Variants in DHX37 observed in about 807,000 individuals in gnomAD.
DHX37 encodes the protein DEAH-box helicase 37.
A neutral mutation model predicts 134.3 loss-of-function variants in DHX37; 52 were observed. That is an observed-to-expected ratio of 0.39 (90% confidence interval 0.31 to 0.49). The LOEUF (loss-of-function observed/expected upper bound fraction) is 0.49, where lower values mean the gene tolerates loss of function less well. Among genes scored for constraint, DHX37 ranks in the 20% least tolerant of loss-of-function variants. DHX37 has a pLI of 0.93. For synonymous variants in DHX37, 634 were observed against 670.7 expected (o/e 0.95, Z 0.85); for missense variants, 1,344 against 1,580.8 (o/e 0.85, Z 2.54).
intron 2 of DHX37, among the ~76,000 whole-genome samples, chr12:124,985,872 C>T (rs113237855): frequency 0.03 from 4,596 of 151,642 alleles, 108 homozygotes; most frequent in Non-Finnish European, 0.05. Context: ...GTTTGACATT[C>T]TCCGGAACAG....
Position 124,954,634 on chromosome 12 carries a change from G to A in DHX37, c.2454-423C>T, listed in dbSNP as rs1053563628. Among the ~76,000 whole-genome samples the A allele has an allele frequency of 3.3e-5, 5 of 152,174 alleles. No individual in the cohort carries two copies. The East Asian group carries it at 5.8e-4, about 18-fold the overall frequency. Reference sequence around the variant, plus strand: ...AGAATGGTCTCGATCTCCTGACTTCGTGATCCGCCCGTCTCGGCCTCCCAA... The same window carrying A: ...AGAATGGTCTCGATCTCCTGACTTCATGATCCGCCCGTCTCGGCCTCCCAA... On this transcript the variant is annotated intron_variant, in intron 18 of 26. Coordinates refer to ENST00000308736, the MANE Select transcript of DHX37 (RefSeq NM_032656.4).
At chr12:124,961,233 C>CTT (rs1954245276) in intron 15 of DHX37, among the ~76,000 whole-genome samples, 4 of 141,380 alleles carry the variant, frequency 2.8e-5, no homozygotes, top group African/African-American at 1.1e-4. Flanking sequence ...CGCACGCACA[C>CTT]ACACATACAC....
intron 20 of DHX37, 152 bp from the exon 21 acceptor site, chr12:124,952,722 A>C: frequency 1.5e-6 from 1 of 686,034 alleles, no homozygotes; most frequent in Admixed American, 3.9e-5. Context: ...CAGGACCCAA[A>C]GCCCCCAGCA....
intron 8 of DHX37, among the ~76,000 whole-genome samples, chr12:124,969,588 C>A (rs570523119): frequency 2.9e-4 from 44 of 152,030 alleles, no homozygotes; most frequent in African/African-American, 1.0e-3. Flanking sequence ...CCACTCTAGA[C>A]TTCCTGATGG....
rs576732769 is a variant in DHX37 at position 124,956,254 on chromosome 12, G to A, written c.2453+437C>T. Among the ~76,000 whole-genome samples the A allele has an allele frequency of 3.3e-5, 5 of 152,316 alleles. No individual in the cohort carries two copies. The East Asian group carries it at 5.8e-4, about 18-fold the overall frequency. ...CGGTTTCAGGAGGAATGATGTGAAC[G>A]CTGAAGACTTACCAAGCCCTTGAGA... On this transcript the variant is annotated intron_variant, in intron 18 of 26. Coordinates refer to ENST00000308736, the MANE Select transcript of DHX37 (RefSeq NM_032656.4).
intron 8 of DHX37, among the ~76,000 whole-genome samples, chr12:124,969,332 G>A (rs1954469940): frequency 6.6e-6 from 1 of 152,142 alleles, no homozygotes; most frequent in South Asian, 2.1e-4. Context: ...GGGTGGGAGA[G>A]AGCTCCCGGG....
At position 124,950,454 on chromosome 12, in the gene DHX37, G is replaced by C; in HGVS notation, c.3080C>G (p.Pro1027Arg). The C allele has an allele frequency of 6.3e-7, 1 of 1,590,982 alleles. No homozygotes were observed. The highest frequency in any genetic ancestry group is 8.6e-7 in the Non-Finnish European group (1 of 1,168,024). Reference sequence around the variant, plus strand: ...GTGACACAGCACCCGCCCCCGCTCGGGGCAGTATGTAGGGGCTGGTTCCTC... The same window carrying C: ...GTGACACAGCACCCGCCCCCGCTCGCGGCAGTATGTAGGGGCTGGTTCCTC... ...PLEEPAPTYC[P>R]ERGRVLCHRA... Residue 1027 changes from proline to arginine, a missense_variant, in exon 23 of 27, where the codon CCC (proline) becomes CGC (arginine). Pro to Arg is a moderately radical substitution (Grantham distance 103). This residue lies in a region of DHX37 where 558 missense variants were observed against 650.0 expected (regional missense o/e 0.86). Transcript: ENST00000308736.
At chr12:124,969,054 G>A in intron 8 of DHX37, 86 bp from the exon 9 acceptor site, 3 of 1,316,266 alleles carry the variant, frequency 2.3e-6, no homozygotes, top group Admixed American at 2.0e-5. Context: ...GTGCCCTGCT[G>A]CCCACCCCGT....
rs560836942 is a variant in DHX37, at chr12:124,948,377, G to A, written c.3291-196C>T. ...AAGTAGGAGGATCCCTTGAGCCTGG[G>A]AGTTGGAGGCTGCAGTGAACCATGA... is the stretch of plus-strand genomic sequence containing the variant. On this transcript the variant is annotated intron_variant, in intron 25 of 26. Coordinates refer to ENST00000308736, the MANE Select transcript of DHX37 (RefSeq NM_032656.4). 50 of 981,010 alleles carry A rather than the reference G, an allele frequency of 5.1e-5. 1 individual carries two copies. The South Asian group carries it at 8.2e-4, about 16-fold the overall frequency. The allele number at this position is 981,010 out of a possible 1,614,324, so 60.8% of individuals were successfully genotyped here.
At chr12:124,950,312 A>C in intron 23 of DHX37, 69 bp from the exon 24 acceptor site, 1 of 1,605,268 alleles carries the variant, frequency 6.2e-7, no homozygotes, top group East Asian at 2.3e-5. Context: ...TCCCTGCCCC[A>C]CCCGAGACAC....
At chr12:124,976,426 C>T (rs1381519826) in intron 5 of DHX37, among the ~76,000 whole-genome samples, 5 of 152,180 alleles carry the variant, frequency 3.3e-5, no homozygotes, top group African/African-American at 1.2e-4. Flanking sequence ...AAATGGTAAG[C>T]GCAGGCTGGG....
intron 1 of DHX37, among the ~76,000 whole-genome samples, chr12:124,986,936 G>A (rs1337337872): frequency 5.3e-5 from 8 of 151,870 alleles, no homozygotes; most frequent in African/African-American, 1.7e-4. Context: ...TAGTAGAGAC[G>A]GGGTTTTACC....
chr12:124,969,339 C>T (rs1040530355), intron 8 of DHX37, among the ~76,000 whole-genome samples: 8 of 152,108 alleles, frequency 5.3e-5, no homozygotes, highest in East Asian at 1.9e-4. Context: ...AGAGAGCTCC[C>T]GGGAGCTCCC....
chr12:124,959,934 G>A (rs1403015061), intron 16 of DHX37, among the ~76,000 whole-genome samples: 2 of 152,320 alleles, frequency 1.3e-5, no homozygotes, highest in East Asian at 3.9e-4. Flanking sequence ...GGCTTAGCCT[G>A]CCCTGGAGCA....
rs777372293 is a variant in DHX37 at position 124,947,924 on chromosome 12, C to T, written c.3389-37G>A. 5.0e-6 allele frequency: 8 copies of T among 1,610,702 alleles called. No homozygotes were observed. In the South Asian group the frequency reaches 7.7e-5, roughly 16 times the overall value. On this transcript the variant is annotated intron_variant, in intron 26 of 26. Transcript: ENST00000308736. ...GGAAGGAGGACAGTGTCAGGGTGACCCTGGGCCCAGGGACTCTCCTCAGGT... is the reference window on the plus strand; with the variant it reads ...GGAAGGAGGACAGTGTCAGGGTGACTCTGGGCCCAGGGACTCTCCTCAGGT...
chr12:124,959,692 C>T (rs1046002901), intron 16 of DHX37, among the ~76,000 whole-genome samples: 1 of 152,242 alleles, frequency 6.6e-6, no homozygotes, highest in African/African-American at 2.4e-5. Context: ...TTCACCTTCT[C>T]CCTGATGATC....
chr12:124,960,265 G>A (rs780767939), intron 16 of DHX37, 47 bp downstream of exon 16: 1 of 1,585,918 alleles, frequency 6.3e-7, no homozygotes, highest in Non-Finnish European at 8.6e-7. Flanking sequence ...GGAAAGGGAG[G>A]TGGTCCACTG....
In DHX37 at chr12:124,968,858, C is replaced by T. The variant is rs768986165; in HGVS notation, c.1293+9G>A. The T allele has an allele frequency of 6.2e-7, 1 of 1,613,982 alleles. No individual in the cohort carries two copies. The stretch of plus-strand genomic sequence containing the variant: ...CCAAGCTCACAGAGGACATGGGACC[C>T]TGTGTTACCTTGATGACCGGCGGCG... On this transcript the variant is annotated intron_variant, in intron 9 of 26. Transcript: ENST00000308736.
chr12:124,956,894 G>T lies in DHX37; in HGVS notation c.2265-15C>A. Reference sequence around the variant, plus strand: ...GTTGCTTCACCCTGGAGATGGAGGTGGTGGTGGCAGTGCTCTGAGAGGAGC... The same window carrying T: ...GTTGCTTCACCCTGGAGATGGAGGTTGTGGTGGCAGTGCTCTGAGAGGAGC... On this transcript the variant is annotated splice_polypyrimidine_tract_variant and intron_variant, in intron 17 of 26. Coordinates refer to ENST00000308736, the MANE Select transcript of DHX37 (RefSeq NM_032656.4). The T allele has an allele frequency of 4.4e-6, 7 of 1,575,818 alleles. No individual in the cohort carries two copies. Among genetic ancestry groups the T allele is most frequent in the Non-Finnish European group, 6.1e-6 (7 of 1,154,602 alleles).
Sources: gnomAD v4.1 joint callset for allele counts (sites outside exome capture counted in the v4.1 genomes callset) on GRCh38, gnomAD v4.1.1 for gene constraint, gnomAD v4.1.1 regional missense constraint, MANE v1.5 for transcripts, NCBI Gene and HGNC (gene_info 2026-07-23, HGNC 2026-07-21) for gene names.